DYTN: variants seen among roughly 807,000 people sequenced by gnomAD.
The protein encoded by DYTN is dystrotelin.
A neutral mutation model predicts 69.6 loss-of-function variants in DYTN; 75 were observed. That is an observed-to-expected ratio of 1.08 (90% CI 0.89 to 1.31). The LOEUF is 1.31. Among genes scored for constraint, DYTN ranks in the 50% most tolerant of loss-of-function variants. The pLI is 0.00. For missense variants in DYTN, 726 were observed against 688.4 expected (o/e 1.05, Z -0.61); for synonymous variants, 252 against 249.1 (o/e 1.01, Z -0.11).
At chr2:206,652,445 C>T (rs1699398643) in intron 11 of DYTN, among the ~76,000 whole-genome samples, 1 of 152,122 alleles carries the variant, frequency 6.6e-6, no homozygotes, top group Non-Finnish European at 1.5e-5. Context: ...ATAGAAAGAT[C>T]TACAATTTGG....
In DYTN at chr2:206,662,965, T is replaced by A. The variant is rs1355381574; in HGVS notation, c.1571A>T (p.Glu524Val). The A allele has an allele frequency of 1.2e-6, 2 of 1,613,860 alleles. No individual in the cohort carries two copies. Among genetic ancestry groups the A allele is most frequent in the East Asian group, 4.5e-5 (2 of 44,884 alleles). Residue 524 changes from glutamate to valine, a missense_variant, in exon 11 of 12, where the codon GAA (glutamate) becomes GTA (valine). Glu to Val is a moderately radical substitution (Grantham distance 121, BLOSUM62 -2). Transcript: ENST00000452335. The stretch of plus-strand genomic sequence containing the variant: ...TGACAATAGTTCTTGCAGTTCCTCT[T>A]CCTCCAGCTCATCCTTTCTCTCCTT... ...NIKERKDELE[E>V]EELQELLSKL... is the part of the protein sequence containing the mutation.
intron 11 of DYTN, among the ~76,000 whole-genome samples, chr2:206,662,688 T>A (rs1014099267): frequency 6.6e-6 from 1 of 151,202 alleles, no homozygotes; most frequent in Admixed American, 6.6e-5. Context: ...TATACTAAAG[T>A]CTTACATGGT....
intron 1 of DYTN, among the ~76,000 whole-genome samples, 191 bp downstream of exon 1, chr2:206,718,070 T>A (rs1255716226): frequency 1.3e-5 from 2 of 152,254 alleles, no homozygotes; most frequent in Non-Finnish European, 2.9e-5. Flanking sequence ...ATAGACCAGA[T>A]ACTCTTCAGT....
At chr2:206,683,050 A>T (rs1042965048) in intron 9 of DYTN, among the ~76,000 whole-genome samples, 6 of 152,222 alleles carry the variant, frequency 3.9e-5, no homozygotes, top group African/African-American at 1.2e-4. Context: ...CACCAGGAAA[A>T]AAAGTAAAGC....
chr2:206,694,872 C>T lies in DYTN; in HGVS notation c.725G>A (p.Arg242His), dbSNP rs183705947. 1.0e-5 allele frequency: 16 copies of T among 1,573,852 alleles called. No individual in the cohort carries two copies. The Admixed American group carries it at 1.1e-4, about 11-fold the overall frequency. The change falls in exon 8 of 12, where the codon CGC becomes CAC. Residue 242 changes from arginine (R) to histidine (H), a missense_variant. Coordinates refer to ENST00000452335, the MANE Select transcript of DYTN (RefSeq NM_001093730.1). ...RTFPITGLRY[R>H]CLKCLNFDIC... The stretch of plus-strand genomic sequence containing the variant: ...GTCAAAGTTGAGACACTTCAGACAG[C>T]GGTATCTGCCAGTTAAAATAGAAGC...
intron 11 of DYTN, among the ~76,000 whole-genome samples, chr2:206,657,802 A>G (rs1699466685): frequency 6.6e-6 from 1 of 152,052 alleles, no homozygotes; most frequent in South Asian, 2.1e-4. Flanking sequence ...TTTGTGTTTG[A>G]CTTTTGACAA....
At chr2:206,687,514 A>G (rs1461068658) in intron 9 of DYTN, among the ~76,000 whole-genome samples, 1 of 152,190 alleles carries the variant, frequency 6.6e-6, no homozygotes, top group Non-Finnish European at 1.5e-5. Context: ...TGTTTATACT[A>G]TCATTTACCA....
At chr2:206,655,923 A>T (rs776397799) in intron 11 of DYTN, among the ~76,000 whole-genome samples, 4 of 152,172 alleles carry the variant, frequency 2.6e-5, no homozygotes, top group Non-Finnish European at 5.9e-5. Context: ...ATCCCAGAAA[A>T]TGTTCCATGT....
At chr2:206,697,490 C>T (rs1055767450) in intron 7 of DYTN, among the ~76,000 whole-genome samples, 1 of 152,042 alleles carries the variant, frequency 6.6e-6, no homozygotes, top group South Asian at 2.1e-4. Context: ...CTTCATCTCC[C>T]AAAAAACCAA....
chr2:206,710,561 T>C lies in DYTN; in HGVS notation c.57A>G (p.Thr19=), dbSNP rs1043987826. Residue 19 remains threonine, a synonymous_variant, in exon 2 of 12, where the codon ACA becomes ACG. Coordinates refer to ENST00000452335, the MANE Select transcript of DYTN (RefSeq NM_001093730.1). ...TTTGCACTGATTGTAATTTGAAGGC[T>C]GTTCTATAAATGGAATTCTCAATAC... The part of the protein sequence containing the change: ...LNSIENSIYR[T]AFKLQSVQTL... The C allele has an allele frequency of 6.2e-6, 10 of 1,612,056 alleles. No individual in the cohort carries two copies. The Middle Eastern group carries it at 6.6e-4, about 106-fold the overall frequency.
chr2:206,693,798 G>A (rs1699889989), intron 8 of DYTN, among the ~76,000 whole-genome samples: 1 of 152,190 alleles, frequency 6.6e-6, no homozygotes, highest in African/African-American at 2.4e-5. Flanking sequence ...GAAGGAATGA[G>A]ATGTCTCATT....
chr2:206,677,165 C>T (rs1434831963), intron 9 of DYTN, among the ~76,000 whole-genome samples: 1 of 152,130 alleles, frequency 6.6e-6, no homozygotes, highest in Non-Finnish European at 1.5e-5. Context: ...CCAAACTGGT[C>T]TCGAACTTCT....
rs374635947 is a variant in DYTN, at chr2:206,693,215, G to T, written c.940C>A (p.Gln314Lys). ...EAARRQQLLD[Q>K]VNPKGVPHHA... is the part of the protein sequence containing the mutation. Reference sequence around the variant, plus strand: ...TGAGGCACACCCTTTGGATTCACCTGGTCCAGCAGCTGCTGCCTTCTCGCT... The same window carrying T: ...TGAGGCACACCCTTTGGATTCACCTTGTCCAGCAGCTGCTGCCTTCTCGCT... Residue 314 changes from glutamine (Q) to lysine (K), a missense_variant, in exon 9 of 12, where the codon CAG (glutamine) becomes AAG (lysine). Physicochemically the swap from Gln to Lys is moderately conservative, Grantham distance 53. Transcript: ENST00000452335. 3.1e-5 allele frequency: 50 copies of T among 1,613,046 alleles called. No homozygotes were observed. The highest frequency in any genetic ancestry group is 3.9e-5 in the Non-Finnish European group (46 of 1,179,808).
chr2:206,659,484 CAAAAAAAAAAA>C (rs772861150), intron 11 of DYTN, among the ~76,000 whole-genome samples: 1 of 64,592 alleles, frequency 1.5e-5, no homozygotes, highest in Non-Finnish European at 3.0e-5. Flanking sequence ...CAACAATTCT[CAAAAAAAAAAA>C]AAAAAAAAAA....
chr2:206,703,369 A>T (rs1334662152), intron 5 of DYTN, among the ~76,000 whole-genome samples: 3 of 152,128 alleles, frequency 2.0e-5, no homozygotes, highest in African/African-American at 7.2e-5. Flanking sequence ...GTGATATGAG[A>T]TGGGTGGAAG....
intron 3 of DYTN, 34 bp from the exon 4 acceptor site, chr2:206,705,907 G>T: frequency 6.2e-7 from 1 of 1,605,662 alleles, no homozygotes; most frequent in South Asian, 1.1e-5. Flanking sequence ...ACAAGAATGG[G>T]AAGGCCAGGG....
chr2:206,692,964 AT>A (rs1477896948), intron 9 of DYTN, among the ~76,000 whole-genome samples: 3 of 152,228 alleles, frequency 2.0e-5, no homozygotes, highest in Non-Finnish European at 2.9e-5. Context: ...AAACATCTGG[AT>A]GGGTCACCAA....
intron 11 of DYTN, among the ~76,000 whole-genome samples, chr2:206,657,232 G>A (rs981306244): frequency 6.6e-6 from 1 of 152,122 alleles, no homozygotes; most frequent in Non-Finnish European, 1.5e-5. Context: ...TCCCTCCTCA[G>A]CTTCCTGAGT....
intron 1 of DYTN, among the ~76,000 whole-genome samples, chr2:206,711,664 C>T (rs1442544345): frequency 2.0e-5 from 3 of 151,552 alleles, no homozygotes; most frequent in African/African-American, 7.3e-5. Flanking sequence ...ATACATGTGC[C>T]ATGTGGGTGT....
Sources: allele counts gnomAD v4.1 joint callset (sites outside exome capture counted in the v4.1 genomes callset), GRCh38; gene constraint gnomAD v4.1.1; transcripts MANE v1.5; gene names NCBI Gene and HGNC (gene_info 2026-07-23, HGNC 2026-07-21).